Variants in KPNB1 observed in about 807,000 individuals in gnomAD.
KPNB1 encodes the protein karyopherin subunit beta 1, also known as importin subunit beta-1.
In KPNB1, 7 loss-of-function variants were observed where a neutral mutation model predicts 113.0. The observed-to-expected ratio is 0.06, with a 90% CI of 0.04 to 0.12. KPNB1 has a LOEUF of 0.12. Ranked by LOEUF, KPNB1 falls within the 10% of genes least tolerant of loss-of-function variation. KPNB1 has a pLI of 1.00. For synonymous variants in KPNB1, 363 were observed against 378.6 expected (o/e 0.96, Z 0.48); for missense variants, 400 against 1,054.8 (o/e 0.38, Z 8.60).
chr17:47,659,962 G>C (rs565372078), intron 5 of KPNB1, among the ~76,000 whole-genome samples: 1 of 151,742 alleles, frequency 6.6e-6, no homozygotes, highest in South Asian at 2.1e-4. Context: ...TAAACATTTT[G>C]GCTGAAAATG....
chr17:47,673,647 C>T (rs940686751), intron 14 of KPNB1, 86 bp downstream of exon 14: 34 of 1,009,772 alleles, frequency 3.4e-5, no homozygotes, highest in African/African-American at 1.3e-4. Flanking sequence ...ACACAGAACT[C>T]GAAAATGGTA....
chr17:47,674,930 C>A, intron 15 of KPNB1, 148 bp downstream of exon 15: 1 of 724,778 alleles, frequency 1.4e-6, no homozygotes, highest in Non-Finnish European at 2.2e-6. Flanking sequence ...GATCCTTCCA[C>A]TTCAGTGCCC....
chr17:47,652,656 A>G, intron 2 of KPNB1, 38 bp from the exon 3 acceptor site: 1 of 1,471,446 alleles, frequency 6.8e-7, no homozygotes, highest in Non-Finnish European at 9.1e-7. Flanking sequence ...GGAAATTCCT[A>G]AGATATTTTT....
intron 8 of KPNB1, 129 bp from the exon 9 acceptor site, chr17:47,664,928 A>G (rs768121191): frequency 1.1e-5 from 8 of 707,740 alleles, no homozygotes; most frequent in Non-Finnish European, 2.0e-5. Context: ...CCAAGATCAC[A>G]TTGTATGTTA....
At chr17:47,680,772 TG>T in intron 21 of KPNB1, 103 bp downstream of exon 21, 2 of 1,226,412 alleles carry the variant, frequency 1.6e-6, no homozygotes, top group Non-Finnish European at 2.2e-6. Context: ...GCATTTTTTT[TG>T]TTTGTACTTT....
rs531870390 is a variant in KPNB1, at chr17:47,684,165, G to A, written c.*1761G>A. On this transcript the variant is annotated 3_prime_UTR_variant, in exon 22 of 22. Coordinates refer to ENST00000290158, the MANE Select transcript of KPNB1 (RefSeq NM_002265.6). ...CCACTCTAGCAAAAACTGGGCTTGCGTTTTTCTCCAACTCCTCGTTTATAT... is the reference window on the plus strand; with the variant it reads ...CCACTCTAGCAAAAACTGGGCTTGCATTTTTCTCCAACTCCTCGTTTATAT... 1.3e-5 allele frequency: 2 copies of A among 152,182 alleles called. No homozygotes were observed. The highest frequency in any genetic ancestry group is 2.1e-4 in the South Asian group (1 of 4,816). The allele number at this position is 152,182 out of a possible 1,614,324, so 9.4% of individuals were successfully genotyped here. A position where few individuals can be genotyped will look rare whatever the true frequency, so the allele number is the denominator to read the frequency against.
At chr17:47,659,922 G>A (rs886389730) in intron 5 of KPNB1, among the ~76,000 whole-genome samples, 1 of 151,582 alleles carries the variant, frequency 6.6e-6, no homozygotes, top group Admixed American at 6.6e-5. Context: ...ATATATATAT[G>A]TATATGTATG....
chr17:47,673,782 T>C (rs2030518821), intron 14 of KPNB1: 1 of 539,016 alleles, frequency 1.9e-6, no homozygotes, highest in South Asian at 2.4e-5. Context: ...TATTTACAGA[T>C]GGTCTAGATG....
Position 47,656,940 on chromosome 17 carries a change from C to G in KPNB1, c.363C>G (p.Ile121Met). ...TGGCTGGTATTGCTTGTGCAGAGAT[C>G]CCAGTAAACCAGTGGCCAGAACTCA... ...QCVAGIACAEIPVNQWPELIP... is the reference protein window; with the variant it reads ...QCVAGIACAEMPVNQWPELIP... Residue 121 changes from isoleucine to methionine, a missense_variant, in exon 4 of 22, where the codon ATC becomes ATG. Ile to Met is a conservative substitution (Grantham distance 10). This residue lies in a region of KPNB1 where 285 missense variants were observed against 627.0 expected (regional missense o/e 0.45). Transcript: ENST00000290158. 6.2e-7 allele frequency: 1 copy of G among 1,614,064 alleles called. No individual in the cohort carries two copies. Among genetic ancestry groups the G allele is most frequent in the African/African-American group, 1.3e-5 (1 of 74,992 alleles).
intron 9 of KPNB1, 80 bp downstream of exon 9, chr17:47,665,238 A>G: frequency 9.5e-7 from 1 of 1,053,280 alleles, no homozygotes; most frequent in Non-Finnish European, 1.5e-6. Flanking sequence ...CATGGAAGGA[A>G]CTTCGCAGCC....
chr17:47,666,458 T>G (rs1460909735), intron 9 of KPNB1, among the ~76,000 whole-genome samples: 1 of 140,902 alleles, frequency 7.1e-6, no homozygotes, highest in Non-Finnish European at 1.6e-5. Flanking sequence ...TATATTATGT[T>G]ATATATATTT....
intron 8 of KPNB1, 43 bp from the exon 9 acceptor site, chr17:47,665,014 A>T (rs1217969424): frequency 7.5e-6 from 11 of 1,461,274 alleles, no homozygotes; most frequent in Non-Finnish European, 9.6e-6. Flanking sequence ...TAGTATACAG[A>T]GCTCGGTTGC....
chr17:47,663,206 G>T, intron 7 of KPNB1, 28 bp downstream of exon 7: 1 of 1,175,760 alleles, frequency 8.5e-7, no homozygotes. Context: ...TGTGATTTGA[G>T]CTTGTGGCTA....
chr17:47,682,242 G>C (rs1597943660), intron 21 of KPNB1, among the ~76,000 whole-genome samples, 162 bp from the exon 22 acceptor site: 1 of 152,208 alleles, frequency 6.6e-6, no homozygotes, highest in Non-Finnish European at 1.5e-5. Context: ...GTTAATAAGA[G>C]CAGGTCAATG....
At chr17:47,680,902 G>A (rs2030751114) in intron 21 of KPNB1, among the ~76,000 whole-genome samples, 1 of 152,204 alleles carries the variant, frequency 6.6e-6, no homozygotes, top group Non-Finnish European at 1.5e-5. Context: ...AATTCCCTGA[G>A]TATTTTGGGT....
chr17:47,661,316 C>T (rs2030087352), intron 6 of KPNB1, 138 bp downstream of exon 6: 2 of 725,560 alleles, frequency 2.8e-6, no homozygotes, highest in Non-Finnish European at 4.8e-6. Context: ...AATTAATATT[C>T]TGGCTGGGCA....
intron 19 of KPNB1, among the ~76,000 whole-genome samples, chr17:47,679,056 A>G (rs1181508373): frequency 6.6e-6 from 1 of 151,700 alleles, no homozygotes; most frequent in East Asian, 1.9e-4. Context: ...AGTAGCTGGG[A>G]CTACAGGCAC....
chr17:47,682,258 T>C, intron 21 of KPNB1, 146 bp from the exon 22 acceptor site: 1 of 709,020 alleles, frequency 1.4e-6, no homozygotes, highest in South Asian at 1.6e-5. Flanking sequence ...CAATGGCACA[T>C]AGGACAAGAA....
intron 15 of KPNB1, among the ~76,000 whole-genome samples, chr17:47,675,061 C>G (rs917333049): frequency 6.6e-6 from 1 of 152,116 alleles, no homozygotes; most frequent in Non-Finnish European, 1.5e-5. Context: ...TCAAGTGATC[C>G]TCCTGCCTCA....
Sources: gnomAD v4.1 joint callset for allele counts (sites outside exome capture counted in the v4.1 genomes callset) on GRCh38, gnomAD v4.1.1 for gene constraint, gnomAD v4.1.1 regional missense constraint, MANE v1.5 for transcripts, NCBI Gene and HGNC (gene_info 2026-07-23, HGNC 2026-07-21) for gene names.